The following ADAM19 variants were observed in gnomAD, a reference collection of about 807,000 sequenced individuals.
ADAM19 encodes the protein disintegrin and metalloproteinase domain-containing protein 19.
In ADAM19, 65 loss-of-function variants were observed where a neutral mutation model predicts 114.7. That is an observed-to-expected ratio of 0.57 (90% CI 0.46 to 0.70). ADAM19 has a LOEUF of 0.70. Ranked by LOEUF, ADAM19 falls within the 30% of genes least tolerant of loss-of-function variation. The pLI is 0.00. For synonymous variants in ADAM19, 466 were observed against 460.5 expected (o/e 1.01, Z -0.15); for missense variants, 1,063 against 1,204.7 (o/e 0.88, Z 1.74).
At chr5:157,498,395 C>A in intron 13 of ADAM19, among the ~76,000 whole-genome samples, 1 of 152,218 alleles carries the variant, frequency 6.6e-6, no homozygotes, top group Non-Finnish European at 1.5e-5. Context: ...GCTCCTTAAC[C>A]GGCAGCGGGG....
chr5:157,478,675 T>C lies in ADAM19; in HGVS notation c.*2274A>G, dbSNP rs11466820. 45 of 985,746 alleles carry C rather than the reference T, an allele frequency of 4.6e-5. No homozygotes were observed. Among genetic ancestry groups the C allele is most frequent in the African/African-American group, 5.2e-5 (3 of 57,232 alleles). The allele number at this position is 985,746 out of a possible 1,614,324, so 61.1% of individuals were successfully genotyped here. The stretch of plus-strand genomic sequence containing the variant: ...AGGAGTGAAGCATTAGTAGAACTGG[T>C]TGCCGAAAGTCTATCAAATTCCAAA... On this transcript the variant is annotated 3_prime_UTR_variant, in exon 23 of 23. Coordinates refer to ENST00000257527, the MANE Select transcript of ADAM19 (RefSeq NM_033274.5).
At chr5:157,572,277 T>C (rs982277678) in intron 1 of ADAM19, 6 of 456,072 alleles carry the variant, frequency 1.3e-5, no homozygotes, top group Non-Finnish European at 2.6e-5. Flanking sequence ...TACTAGAGAC[T>C]GGGAGGAGTC....
chr5:157,495,762 T>C (rs1755341485), intron 14 of ADAM19, among the ~76,000 whole-genome samples: 1 of 151,726 alleles, frequency 6.6e-6, no homozygotes, highest in Non-Finnish European at 1.5e-5. Context: ...GCCTCTCGAG[T>C]AGCTGGAATT....
chr5:157,518,753 C>G (rs1300618251), intron 7 of ADAM19, 70 bp downstream of exon 7: 1 of 1,183,818 alleles, frequency 8.4e-7, no homozygotes, highest in African/African-American at 1.5e-5. Context: ...TTCCCCAAAG[C>G]AGTCTGGAGC....
chr5:157,514,330 CTT>C (rs918566617), intron 7 of ADAM19, among the ~76,000 whole-genome samples: 13 of 142,772 alleles, frequency 9.1e-5, no homozygotes, highest in South Asian at 2.2e-4. Flanking sequence ...ACATTTCTTT[CTT>C]TTTTTTTTTT....
At chr5:157,561,422 G>C (rs759732193) in intron 3 of ADAM19, among the ~76,000 whole-genome samples, 1 of 152,152 alleles carries the variant, frequency 6.6e-6, no homozygotes, top group Non-Finnish European at 1.5e-5. Flanking sequence ...GAGAAGGCCA[G>C]ACACGGCAGG....
At chr5:157,570,782 T>C in intron 2 of ADAM19, 113 bp downstream of exon 2, 1 of 887,140 alleles carries the variant, frequency 1.1e-6, no homozygotes, top group Non-Finnish European at 1.8e-6. Context: ...GAGGACAGAG[T>C]GGGCCAGAAA....
In ADAM19 at chr5:157,478,835, AC is replaced by A. The variant is rs1422492531; in HGVS notation, c.*2113del. The A allele has an allele frequency of 1.0e-6, 1 of 985,710 alleles. No individual in the cohort carries two copies. 61.1% of individuals were successfully genotyped at this position (985,710 alleles called of 1,614,324 possible). The stretch of plus-strand genomic sequence containing the variant: ...TCTGGTGTGGTTCCAGGGAGGGTGG[AC>A]TGCAGGTTCAGATGGCTCATGCAGT... On this transcript the variant is annotated 3_prime_UTR_variant, in exon 23 of 23. Coordinates refer to ENST00000257527, the MANE Select transcript of ADAM19 (RefSeq NM_033274.5).
intron 1 of ADAM19, among the ~76,000 whole-genome samples, chr5:157,571,249 T>C (rs1757814717): frequency 6.6e-6 from 1 of 152,104 alleles, no homozygotes; most frequent in Non-Finnish European, 1.5e-5. Context: ...ATAAAATAAG[T>C]TGGGGTCATG....
At chr5:157,561,148 C>T (rs1757498524) in intron 3 of ADAM19, among the ~76,000 whole-genome samples, 1 of 152,236 alleles carries the variant, frequency 6.6e-6, no homozygotes, top group Non-Finnish European at 1.5e-5. Flanking sequence ...AGAATGTGTG[C>T]TTCTCACGGA....
At chr5:157,535,643 A>G (rs1756742155) in intron 4 of ADAM19, among the ~76,000 whole-genome samples, 1 of 152,180 alleles carries the variant, frequency 6.6e-6, no homozygotes, top group Non-Finnish European at 1.5e-5. Flanking sequence ...TTCTTTTCCA[A>G]TCCTCTCTTT....
chr5:157,542,315 T>C (rs1040638948), intron 3 of ADAM19, among the ~76,000 whole-genome samples: 1 of 152,184 alleles, frequency 6.6e-6, no homozygotes, highest in Non-Finnish European at 1.5e-5. Flanking sequence ...TTCTACTCCA[T>C]TTGAGCAATT....
Position 157,551,921 on chromosome 5 carries a change from C to T in ADAM19, c.251+12452G>A, listed in dbSNP as rs1358986319. Among the ~76,000 whole-genome samples the T allele has an allele frequency of 3.9e-5, 6 of 152,126 alleles. No individual in the cohort carries two copies. The East Asian group carries it at 1.2e-3, about 29-fold the overall frequency. ...GTAATCCCAGCACTTTGGGATGGAT[C>T]ACTTGAGACCAGGAGTTTGAGACTA... On this transcript the variant is annotated intron_variant, in intron 3 of 22. Coordinates refer to ENST00000257527, the MANE Select transcript of ADAM19 (RefSeq NM_033274.5).
intron 8 of ADAM19, among the ~76,000 whole-genome samples, chr5:157,510,527 T>C (rs4704873): frequency 0.69 from 105,511 of 152,168 alleles, 37,233 homozygotes; most frequent in East Asian, 0.93. Flanking sequence ...TTAGAATATT[T>C]TCATCACATC....
chr5:157,520,137 A>C, intron 5 of ADAM19, 106 bp from the exon 6 acceptor site: 2 of 1,147,290 alleles, frequency 1.7e-6, no homozygotes, highest in South Asian at 3.1e-5. Flanking sequence ...GTGGGTTTTG[A>C]TCATTGGTTC....
rs754810839 is a variant in ADAM19, at chr5:157,497,050, G to C, written c.1438C>G (p.Gln480Glu). Reference sequence around the variant, plus strand: ...GTACAGAACTCCGGGAGGTCACACTGCCTGGCCTGCTCGCGGCACAGGGTC... The same window carrying C: ...GTACAGAACTCCGGGAGGTCACACTCCCTGGCCTGCTCGCGGCACAGGGTC... The part of the protein sequence containing the change: ...PGTLCREQAR[Q>E]CDLPEFCTGK... The change falls in exon 14 of 23, where the codon CAG becomes GAG. Residue 480 changes from glutamine (Q) to glutamate (E), a missense_variant. Physicochemically the swap from Gln to Glu is conservative, Grantham distance 29. Coordinates refer to ENST00000257527, the MANE Select transcript of ADAM19 (RefSeq NM_033274.5). 7.7e-6 allele frequency: 12 copies of C among 1,556,060 alleles called. No homozygotes were observed. The South Asian group carries it at 1.5e-4, about 19-fold the overall frequency.
rs1277111546 is a variant in ADAM19 at position 157,477,866 on chromosome 5, T to C, written c.*3083A>G. 4 of 470,560 alleles carry C rather than the reference T, an allele frequency of 8.5e-6. No homozygotes were observed. The Admixed American group carries it at 9.7e-5, about 11-fold the overall frequency. 29.1% of individuals were successfully genotyped at this position (470,560 alleles called of 1,614,324 possible). ...GGACTATGGCAATACAAAAAAACAC[T>C]CCAACCAGAAAATCAGCAAGTCTCA... On this transcript the variant is annotated 3_prime_UTR_variant, in exon 23 of 23. Transcript: ENST00000257527.
intron 5 of ADAM19, among the ~76,000 whole-genome samples, chr5:157,527,124 C>T (rs1006628037): frequency 6.6e-6 from 1 of 152,170 alleles, no homozygotes; most frequent in African/African-American, 2.4e-5. Flanking sequence ...AGGAAACTTA[C>T]AGTCATGGTG....
At chr5:157,572,720 T>G (rs1346686956) in intron 1 of ADAM19, among the ~76,000 whole-genome samples, 1 of 152,242 alleles carries the variant, frequency 6.6e-6, no homozygotes, top group Non-Finnish European at 1.5e-5. Flanking sequence ...TACTATGCTA[T>G]GAATAGGTGC....
Sources: allele counts gnomAD v4.1 joint callset (sites outside exome capture counted in the v4.1 genomes callset), GRCh38; gene constraint gnomAD v4.1.1; transcripts MANE v1.5; gene names NCBI Gene and HGNC (gene_info 2026-07-23, HGNC 2026-07-21).